The following GRIK2 variants were observed in gnomAD, a reference collection of about 807,000 sequenced individuals.
GRIK2 encodes the protein glutamate receptor ionotropic, kainate 2.
GRIK2 carries 32 observed loss-of-function variants against 100.3 expected under a neutral mutation model. The ratio of observed to expected loss-of-function variants is 0.32; its 90% confidence interval spans 0.24 to 0.43. The LOEUF is 0.43. Among genes scored for constraint, GRIK2 ranks in the 20% least tolerant of loss-of-function variants. The pLI is 1.00. For missense variants in GRIK2, 843 were observed against 1,114.9 expected (o/e 0.76, Z 3.47); for synonymous variants, 417 against 389.4 (o/e 1.07, Z -0.83).
rs564465851 is a variant in GRIK2, at chr6:101,972,291, C to T, written c.2085+43659C>T. Among the ~76,000 whole-genome samples the T allele has an allele frequency of 2.6e-4, 39 of 152,058 alleles. 1 individual carries two copies. Among genetic ancestry groups the T allele is most frequent in the African/African-American group, 9.2e-4 (38 of 41,518 alleles). On this transcript the variant is annotated intron_variant, in intron 14 of 16. Coordinates refer to ENST00000369134, the MANE Select transcript of GRIK2 (RefSeq NM_021956.5). ...TGTTTTTTGTCTGTTTAATAATCACCGTTCTGACGGGTGTGAGATGGTATC... is the reference window on the plus strand; with the variant it reads ...TGTTTTTTGTCTGTTTAATAATCACTGTTCTGACGGGTGTGAGATGGTATC...
chr6:101,427,909 G>C (rs573432155), intron 2 of GRIK2, among the ~76,000 whole-genome samples: 1 of 152,126 alleles, frequency 6.6e-6, no homozygotes, highest in Admixed American at 6.5e-5. Flanking sequence ...GGGATGCTTC[G>C]ATGGATCACA....
intron 15 of GRIK2, among the ~76,000 whole-genome samples, chr6:102,041,239 C>T (rs146747540): frequency 2.6e-5 from 4 of 151,520 alleles, no homozygotes; most frequent in African/African-American, 7.2e-5. Context: ...CAAATGGTAC[C>T]CAAACAATGT....
At chr6:102,004,584 A>G (rs964675372) in intron 14 of GRIK2, among the ~76,000 whole-genome samples, 2 of 151,936 alleles carry the variant, frequency 1.3e-5, no homozygotes, top group East Asian at 1.9e-4. Flanking sequence ...AATCCATACA[A>G]TGACCATATG....
chr6:101,627,027 A>G (rs1286344109), intron 4 of GRIK2, among the ~76,000 whole-genome samples: 2 of 151,986 alleles, frequency 1.3e-5, no homozygotes, highest in African/African-American at 4.8e-5. Context: ...GTAAGAATCC[A>G]TGTATTCAAA....
At chr6:101,590,058 C>T (rs1582781891) in intron 2 of GRIK2, among the ~76,000 whole-genome samples, 1 of 152,098 alleles carries the variant, frequency 6.6e-6, no homozygotes, top group African/African-American at 2.4e-5. Flanking sequence ...GGAATATACT[C>T]AGGATACATT....
intron 2 of GRIK2, among the ~76,000 whole-genome samples, chr6:101,489,306 G>A (rs1457172489): frequency 1.4e-5 from 2 of 145,834 alleles, no homozygotes; most frequent in Non-Finnish European, 3.0e-5. Context: ...GTGGAAACAG[G>A]GCACTTGATA....
chr6:101,906,867 AC>A (rs1788267779), intron 12 of GRIK2, among the ~76,000 whole-genome samples: 1 of 151,802 alleles, frequency 6.6e-6, no homozygotes, highest in Admixed American at 6.6e-5. Flanking sequence ...ACAGCAAAGA[AC>A]AACAAATTGT....
At chr6:101,806,194 A>G (rs1290558007) in intron 9 of GRIK2, among the ~76,000 whole-genome samples, 1 of 152,082 alleles carries the variant, frequency 6.6e-6, no homozygotes, top group Non-Finnish European at 1.5e-5. Context: ...TGCCTAGTTC[A>G]GGCAATACTT....
chr6:101,882,140 T>G (rs1786293663), intron 11 of GRIK2, among the ~76,000 whole-genome samples: 1 of 152,052 alleles, frequency 6.6e-6, no homozygotes, highest in African/African-American at 2.4e-5. Flanking sequence ...ACCACTCCCA[T>G]GATTCAATTA....
chr6:101,963,509 C>CTTTCTT (rs1554183894), intron 14 of GRIK2, among the ~76,000 whole-genome samples: 4 of 106,098 alleles, frequency 3.8e-5, no homozygotes, highest in African/African-American at 3.8e-5. Context: ...TTCTTTCTTT[C>CTTTCTT]TTTTTTTTTT....
intron 2 of GRIK2, among the ~76,000 whole-genome samples, chr6:101,444,892 T>C (rs1770283430): frequency 6.6e-6 from 1 of 152,136 alleles, no homozygotes; most frequent in Admixed American, 6.6e-5. Flanking sequence ...CTGGGGCCAG[T>C]CCACCGCATC....
intron 7 of GRIK2, among the ~76,000 whole-genome samples, chr6:101,735,868 G>C (rs1265893164): frequency 6.6e-6 from 1 of 152,186 alleles, no homozygotes; most frequent in Admixed American, 6.5e-5. Flanking sequence ...ACAATCGAAA[G>C]TCTCATCTGA....
chr6:101,749,036 C>A (rs1446326189), intron 7 of GRIK2, among the ~76,000 whole-genome samples: 5 of 152,058 alleles, frequency 3.3e-5, no homozygotes, highest in Admixed American at 3.3e-4. Flanking sequence ...TTTTATTAAG[C>A]ACCTGGAATA....
At chr6:101,876,659 C>G (rs997296468) in intron 11 of GRIK2, among the ~76,000 whole-genome samples, 2 of 151,850 alleles carry the variant, frequency 1.3e-5, no homozygotes. Context: ...ACTCATTATC[C>G]TGGTGAGACC....
intron 4 of GRIK2, among the ~76,000 whole-genome samples, chr6:101,650,844 A>G (rs1202383028): frequency 6.6e-6 from 1 of 152,048 alleles, no homozygotes; most frequent in African/African-American, 2.4e-5. Flanking sequence ...TTCCTTCAGT[A>G]CATCCCACGA....
intron 2 of GRIK2, among the ~76,000 whole-genome samples, chr6:101,497,175 T>G (rs914180653): frequency 6.6e-6 from 1 of 152,050 alleles, no homozygotes; most frequent in African/African-American, 2.4e-5. Flanking sequence ...CCCATCTAGT[T>G]TTTTTTTCTC....
intron 2 of GRIK2, among the ~76,000 whole-genome samples, chr6:101,532,845 A>G (rs893613850): frequency 6.8e-6 from 1 of 147,122 alleles, no homozygotes; most frequent in Admixed American, 6.9e-5. Context: ...TGAGAAGACA[A>G]CAAAGAATTA....
At chr6:101,979,956 C>A (rs1367285089) in intron 14 of GRIK2, among the ~76,000 whole-genome samples, 1 of 151,900 alleles carries the variant, frequency 6.6e-6, no homozygotes, top group Non-Finnish European at 1.5e-5. Context: ...GTGGCGATTT[C>A]TGTGGTGGAG....
intron 12 of GRIK2, among the ~76,000 whole-genome samples, chr6:101,909,374 T>TTTTTTTTTTTG: frequency 8.7e-6 from 1 of 114,322 alleles, no homozygotes; most frequent in Non-Finnish European, 1.9e-5. Context: ...AGATAGGGTT[T>TTTTTTTTTTTG]TCTTTTTCTT....
Sources: gnomAD v4.1 joint callset for allele counts (sites outside exome capture counted in the v4.1 genomes callset) on GRCh38, gnomAD v4.1.1 for gene constraint, MANE v1.5 for transcripts, NCBI Gene and HGNC (gene_info 2026-07-23, HGNC 2026-07-21) for gene names.